The following DHRSX variants were observed in gnomAD, a reference collection of about 807,000 sequenced individuals.
DHRSX encodes the protein polyprenol dehydrogenase.
In DHRSX, 31 loss-of-function variants were observed where a neutral mutation model predicts 34.0. That is an observed-to-expected ratio of 0.91 (90% CI 0.69 to 1.23). DHRSX has a LOEUF of 1.23. Among genes scored for constraint, DHRSX ranks in the 50% most tolerant of loss-of-function variants. The pLI is 0.00. For missense variants in DHRSX, 414 were observed against 428.1 expected, an observed-to-expected ratio of 0.97 and a Z score of 0.29; for synonymous variants, 201 against 183.8, an observed-to-expected ratio of 1.09 and a Z score of -0.76.
chrX:2,446,266 T>G (rs1322972383), intron 1 of DHRSX, among the ~76,000 whole-genome samples: 1 of 151,474 alleles, frequency 6.6e-6, no homozygotes, highest in Non-Finnish European at 1.5e-5. Flanking sequence ...ATGTACAAAC[T>G]GAAGACGTTC....
chrX:2,243,007 A>G lies in DHRSX; in HGVS notation c.804+16T>C, dbSNP rs2016176515. The G allele has an allele frequency of 8.7e-6, 14 of 1,608,864 alleles. No homozygotes were observed. The highest frequency in any genetic ancestry group is 1.1e-5 in the Non-Finnish European group (13 of 1,176,398). ...TTCAGGTGCAGCCGTGAATCAGAGAAGCAGAAGGGGCTTACCTTGAAAAGC... is the reference window on the plus strand; with the variant it reads ...TTCAGGTGCAGCCGTGAATCAGAGAGGCAGAAGGGGCTTACCTTGAAAAGC... On this transcript the variant is annotated intron_variant, in intron 6 of 6. Transcript: ENST00000334651.
intron 1 of DHRSX, among the ~76,000 whole-genome samples, chrX:2,437,358 C>A (rs112625936): frequency 2.0e-5 from 3 of 151,922 alleles, no homozygotes; most frequent in African/African-American, 7.2e-5. Context: ...GTAATCCCAG[C>A]ACTTTGGGAG....
At chrX:2,421,757 C>T (rs964334225) in intron 2 of DHRSX, among the ~76,000 whole-genome samples, 41 of 152,158 alleles carry the variant, frequency 2.7e-4, no homozygotes, top group African/African-American at 9.2e-4. Flanking sequence ...GGATGGCCAT[C>T]GAGGCTCAGA....
At chrX:2,355,805 C>G (rs2042843851) in intron 3 of DHRSX, among the ~76,000 whole-genome samples, 2 of 151,924 alleles carry the variant, frequency 1.3e-5, no homozygotes, top group African/African-American at 2.4e-5. Flanking sequence ...GGTGGCTCAC[C>G]CTGTAATCCC....
chrX:2,434,518 T>C (rs2043969174), intron 1 of DHRSX, among the ~76,000 whole-genome samples: 1 of 151,886 alleles, frequency 6.6e-6, no homozygotes, highest in South Asian at 2.1e-4. Flanking sequence ...AAAATAAAAA[T>C]AAATTAGCCA....
rs185155944 is a variant in DHRSX, at chrX:2,418,326, T to G, written c.217+6871A>C. On this transcript the variant is annotated intron_variant, in intron 2 of 6. Coordinates refer to ENST00000334651, the MANE Select transcript of DHRSX (RefSeq NM_145177.3). ...AGACGTTATCATGATCTAATACAAC[T>G]AGACTTCATCATGACCAAACCAAAC... Among the ~76,000 whole-genome samples the G allele has an allele frequency of 7.8e-4, 118 of 152,180 alleles. No homozygotes were observed. In the East Asian group the frequency reaches 0.021, roughly 27 times the overall value.
chrX:2,243,772 A>T, intron 5 of DHRSX, among the ~76,000 whole-genome samples: 1 of 128,078 alleles, frequency 7.8e-6, no homozygotes, highest in African/African-American at 2.8e-5. Context: ...TACAGGCAGG[A>T]GCCACTATGC....
intron 3 of DHRSX, among the ~76,000 whole-genome samples, chrX:2,329,548 A>G (rs1177023286): frequency 6.6e-6 from 1 of 152,092 alleles, no homozygotes; most frequent in Non-Finnish European, 1.5e-5. Context: ...ATGCAACCCT[A>G]ACCTTTCTGA....
chrX:2,357,061 T>C (rs1182187604), intron 3 of DHRSX, among the ~76,000 whole-genome samples: 4 of 152,114 alleles, frequency 2.6e-5, no homozygotes, highest in African/African-American at 7.2e-5. Context: ...CTGACCAAGA[T>C]GGTAAAACCC....
At chrX:2,374,341 G>A (rs1250433400) in intron 3 of DHRSX, among the ~76,000 whole-genome samples, 1 of 152,152 alleles carries the variant, frequency 6.6e-6, no homozygotes, top group Non-Finnish European at 1.5e-5. Flanking sequence ...GCTCAGGGCT[G>A]TAATCCCAGC....
intron 6 of DHRSX, among the ~76,000 whole-genome samples, chrX:2,229,302 G>A (rs187878924): frequency 0.023 from 3,552 of 152,120 alleles, 131 homozygotes; most frequent in African/African-American, 0.081. Flanking sequence ...TGGTCAAAGA[G>A]AAATTCAGAG....
chrX:2,489,278 C>T, intron 1 of DHRSX: 1 of 1,613,984 alleles, frequency 6.2e-7, no homozygotes, highest in Middle Eastern at 1.7e-4. Flanking sequence ...GAAGGGCAGC[C>T]TCTTGTAGCG....
chrX:2,293,971 G>A (rs1403990424), intron 3 of DHRSX, among the ~76,000 whole-genome samples: 1 of 151,928 alleles, frequency 6.6e-6, no homozygotes, highest in East Asian at 1.9e-4. Context: ...ATTCCAAAAC[G>A]AAATGACTCT....
At chrX:2,398,535 G>C (rs2043442065) in intron 3 of DHRSX, among the ~76,000 whole-genome samples, 1 of 152,224 alleles carries the variant, frequency 6.6e-6, no homozygotes, top group East Asian at 1.9e-4. Flanking sequence ...CGACTATCTG[G>C]GAGGCCCATG....
chrX:2,360,355 T>A (rs1359141054), intron 3 of DHRSX, among the ~76,000 whole-genome samples: 1 of 152,042 alleles, frequency 6.6e-6, no homozygotes, highest in Non-Finnish European at 1.5e-5. Flanking sequence ...GAGGCCAAGG[T>A]GGGCGGATCA....
At chrX:2,413,136 A>C (rs926136961) in intron 2 of DHRSX, among the ~76,000 whole-genome samples, 4 of 152,142 alleles carry the variant, frequency 2.6e-5, no homozygotes, top group African/African-American at 9.7e-5. Flanking sequence ...TGGAGGTTGC[A>C]GTGAGCCGAG....
rs189182646 is a variant in DHRSX at position 2,331,985 on chromosome X, A to C, written c.287-40382T>G. 5.9e-5 allele frequency among the ~76,000 whole-genome samples: 9 copies of C among 152,290 alleles called. No individual in the cohort carries two copies. The East Asian group carries it at 1.7e-3, about 29-fold the overall frequency. On this transcript the variant is annotated intron_variant, in intron 3 of 6. Coordinates refer to ENST00000334651, the MANE Select transcript of DHRSX (RefSeq NM_145177.3). ...ACCAGCAATAAGGTTTTGACTCGCG[A>C]AATGTTCAGATAATTGTTAGTATTG...
At chrX:2,303,774 T>G (rs2042045635) in intron 3 of DHRSX, among the ~76,000 whole-genome samples, 1 of 45,500 alleles carries the variant, frequency 2.2e-5, no homozygotes, top group African/African-American at 9.6e-5. Context: ...GATGGATAAA[T>G]GGATGGATGG....
intron 1 of DHRSX, among the ~76,000 whole-genome samples, chrX:2,455,036 C>T (rs776526804): frequency 6.6e-6 from 1 of 150,700 alleles, no homozygotes; most frequent in Admixed American, 6.6e-5. Context: ...CACTGGAACC[C>T]GGGAGCCAGA....
Sources: allele counts gnomAD v4.1 joint callset (sites outside exome capture counted in the v4.1 genomes callset), GRCh38; gene constraint gnomAD v4.1.1; transcripts MANE v1.5; gene names NCBI Gene and HGNC (gene_info 2026-07-23, HGNC 2026-07-21).